Variants in MTHFD1L observed in about 807,000 individuals in gnomAD.
The protein encoded by MTHFD1L is methylenetetrahydrofolate dehydrogenase (NADP+ dependent) 1 like, also known as monofunctional C1-tetrahydrofolate synthase, mitochondrial.
A neutral mutation model predicts 119.5 loss-of-function variants in MTHFD1L; 81 were observed. The ratio of observed to expected loss-of-function variants is 0.68; its 90% confidence interval spans 0.57 to 0.82. The LOEUF is 0.82. Ranked by LOEUF, MTHFD1L falls within the 40% of genes least tolerant of loss-of-function variation. MTHFD1L has a pLI of 0.00. For missense variants in MTHFD1L, 1,125 were observed against 1,253.4 expected, an observed-to-expected ratio of 0.90 and a Z score of 1.55; for synonymous variants, 430 against 475.2, an observed-to-expected ratio of 0.90 and a Z score of 1.24.
At position 151,051,647 on chromosome 6, in the gene MTHFD1L, AC is replaced by A. The variant is rs372719570; in HGVS notation, c.2847+14537del. ...CAAGGGAGTGAAAACCTGCTGCCAT[AC>A]CCCCCCAGAGGCAGCAGGATGTTTG... On this transcript the variant is annotated intron_variant, in intron 26 of 27. Transcript: ENST00000367321. 4.7e-3 allele frequency among the ~76,000 whole-genome samples: 716 copies of A among 152,002 alleles called. 2 individuals carry two copies. Among genetic ancestry groups the A allele is most frequent in the African/African-American group, 0.016 (676 of 41,406 alleles).
At chr6:151,097,022 C>T (rs372770729) in intron 27 of MTHFD1L, among the ~76,000 whole-genome samples, 2 of 152,102 alleles carry the variant, frequency 1.3e-5, no homozygotes, top group East Asian at 1.9e-4. Flanking sequence ...GAAATTGATC[C>T]GGCTGTTGAG....
chr6:151,099,718 AAAAC>A, intron 27 of MTHFD1L: 1 of 1,611,598 alleles, frequency 6.2e-7, no homozygotes, highest in Non-Finnish European at 8.5e-7. Flanking sequence ...GAGCAACAAA[AAAAC>A]AAAGCACATG....
At chr6:150,950,945 A>G (rs1462063699) in intron 16 of MTHFD1L, among the ~76,000 whole-genome samples, 1 of 151,234 alleles carries the variant, frequency 6.6e-6, no homozygotes, top group Non-Finnish European at 1.5e-5. Flanking sequence ...CTGGGATTAC[A>G]TGCGTGAGCC....
At chr6:150,941,433 G>A (rs1793090487) in intron 13 of MTHFD1L, among the ~76,000 whole-genome samples, 1 of 152,174 alleles carries the variant, frequency 6.6e-6, no homozygotes, top group Non-Finnish European at 1.5e-5. Context: ...TGCAGATTGA[G>A]TTTTATTAAA....
At chr6:151,061,639 C>T (rs1790650897) in intron 26 of MTHFD1L, among the ~76,000 whole-genome samples, 1 of 152,208 alleles carries the variant, frequency 6.6e-6, no homozygotes, top group South Asian at 2.1e-4. Flanking sequence ...AAGATGTCCA[C>T]TGCACAGTTC....
intron 4 of MTHFD1L, among the ~76,000 whole-genome samples, chr6:150,881,412 C>T (rs1236185140): frequency 6.6e-6 from 1 of 152,040 alleles, no homozygotes; most frequent in Non-Finnish European, 1.5e-5. Context: ...TCATTTATTC[C>T]GTATTTTTCT....
rs769629602 is a variant in MTHFD1L at position 150,922,159 on chromosome 6, C to T, written c.985-46C>T. The T allele has an allele frequency of 1.1e-5, 15 of 1,397,112 alleles. No homozygotes were observed. In the South Asian group the frequency reaches 1.7e-4, roughly 15 times the overall value. 86.5% of individuals were successfully genotyped at this position (1,397,112 alleles called of 1,614,324 possible). Reference sequence around the variant, plus strand: ...TCCATGGTTTAAGTGTGTGCCCTGTCAGCTTTTACCATTCTAACATGTTTT... The same window carrying T: ...TCCATGGTTTAAGTGTGTGCCCTGTTAGCTTTTACCATTCTAACATGTTTT... On this transcript the variant is annotated intron_variant, in intron 9 of 27. Coordinates refer to ENST00000367321, the MANE Select transcript of MTHFD1L (RefSeq NM_015440.5).
intron 16 of MTHFD1L, among the ~76,000 whole-genome samples, chr6:150,953,870 G>C (rs1009195209): frequency 2.0e-5 from 3 of 152,144 alleles, no homozygotes; most frequent in Non-Finnish European, 4.4e-5. Flanking sequence ...GATTGACTTT[G>C]CACCCCATGT....
At chr6:150,956,122 A>G (rs767546827) in intron 17 of MTHFD1L, 51 bp downstream of exon 17, 1 of 1,553,218 alleles carries the variant, frequency 6.4e-7, no homozygotes, top group Non-Finnish European at 8.9e-7. Context: ...GTTCATTTCT[A>G]CTGGCCTGGG....
intron 15 of MTHFD1L, among the ~76,000 whole-genome samples, chr6:150,946,378 G>A (rs1176713949): frequency 6.6e-6 from 1 of 152,228 alleles, no homozygotes; most frequent in Non-Finnish European, 1.5e-5. Context: ...TCAAACGCCT[G>A]ACCTCAAGTG....
At chr6:150,898,044 A>G (rs1410758187) in intron 7 of MTHFD1L, among the ~76,000 whole-genome samples, 4 of 152,074 alleles carry the variant, frequency 2.6e-5, no homozygotes, top group Admixed American at 6.6e-5. Context: ...GAGTTTCTCC[A>G]TGTTGGTCAG....
chr6:150,874,317 C>G (rs1426862911), intron 1 of MTHFD1L, among the ~76,000 whole-genome samples: 1 of 152,132 alleles, frequency 6.6e-6, no homozygotes, highest in Non-Finnish European at 1.5e-5. Context: ...TTGCCTGCAC[C>G]CAGTCCATCT....
chr6:150,932,807 A>G (rs6908937), intron 11 of MTHFD1L, among the ~76,000 whole-genome samples: 48,583 of 131,116 alleles, frequency 0.37, 10,923 homozygotes, highest in African/African-American at 0.63. Context: ...AGGGAGGAAG[A>G]GAGGGAGGGA....
chr6:151,004,159 A>T (rs1377286905), intron 20 of MTHFD1L, among the ~76,000 whole-genome samples: 4 of 152,018 alleles, frequency 2.6e-5, no homozygotes, highest in African/African-American at 9.7e-5. Context: ...CCTGGCCAAC[A>T]TGGTGAAATC....
At chr6:150,941,336 C>T (rs980744227) in intron 13 of MTHFD1L, among the ~76,000 whole-genome samples, 2 of 152,146 alleles carry the variant, frequency 1.3e-5, no homozygotes, top group South Asian at 2.1e-4. Flanking sequence ...CCAGCTCTGT[C>T]GAGCGATTGC....
chr6:151,085,726 G>A (rs1424253324), intron 26 of MTHFD1L, among the ~76,000 whole-genome samples: 3 of 152,028 alleles, frequency 2.0e-5, no homozygotes. Context: ...AGCAGAGATT[G>A]TGCTACTACA....
intron 15 of MTHFD1L, among the ~76,000 whole-genome samples, chr6:150,947,474 G>A (rs1794174788): frequency 6.6e-6 from 1 of 151,934 alleles, no homozygotes; most frequent in African/African-American, 2.4e-5. Flanking sequence ...GCTCACCCCT[G>A]TAATCTCAGC....
intron 26 of MTHFD1L, among the ~76,000 whole-genome samples, chr6:151,073,646 T>C (rs1239444882): frequency 6.6e-6 from 1 of 150,620 alleles, no homozygotes; most frequent in Non-Finnish European, 1.5e-5. Context: ...AACAAAGATA[T>C]AAATCAAACT....
chr6:150,956,127 C>T, intron 17 of MTHFD1L, 56 bp downstream of exon 17: 1 of 1,530,262 alleles, frequency 6.5e-7, no homozygotes, highest in Non-Finnish European at 9.1e-7. Context: ...TTTCTACTGG[C>T]CTGGGAGCTC....
Sources: allele counts gnomAD v4.1 joint callset (sites outside exome capture counted in the v4.1 genomes callset), GRCh38; gene constraint gnomAD v4.1.1; transcripts MANE v1.5; gene names NCBI Gene and HGNC (gene_info 2026-07-23, HGNC 2026-07-21).